Variants in TADA3 observed in about 807,000 individuals in gnomAD.
TADA3 encodes the protein transcriptional adaptor 3.
TADA3 carries 25 observed loss-of-function variants against 43.2 expected under a neutral mutation model. The observed-to-expected ratio is 0.58, with a 90% CI of 0.42 to 0.81. TADA3 has a LOEUF of 0.81. Ranked by LOEUF, TADA3 falls within the 30% of genes least tolerant of loss-of-function variation. TADA3 has a pLI of 0.00. For synonymous variants in TADA3, 235 were observed against 225.5 expected, an observed-to-expected ratio of 1.04 and a Z score of -0.38; for missense variants, 441 against 567.8, an observed-to-expected ratio of 0.78 and a Z score of 2.27.
upstream of TADA3, chr3:9,792,989 A>ACC: frequency 6.8e-7 from 1 of 1,466,668 alleles, no homozygotes; most frequent in African/African-American, 1.4e-5. Flanking sequence ...AGGGCTCTCT[A>ACC]CCCCGCTCGG....
At chr3:9,792,617 CCCCGGGGCACAG>C, upstream of TADA3, 10 of 1,230,354 alleles carry the variant, frequency 8.1e-6, no homozygotes, top group Non-Finnish European at 8.1e-6. Context: ...CTCAGGCGAG[CCCCGGGGCACAG>C]CCCGGGGCGG....
chr3:9,782,569 G>C (rs1431637330), intron 8 of TADA3, among the ~76,000 whole-genome samples: 1 of 152,190 alleles, frequency 6.6e-6, no homozygotes, highest in African/African-American at 2.4e-5. Context: ...CTAGTAATCT[G>C]CAAGTCCCTT....
At chr3:9,792,764 C>A (rs78796930), upstream of TADA3, 1,833 of 1,245,694 alleles carry the variant, frequency 1.5e-3, 29 homozygotes, top group African/African-American at 0.025. Flanking sequence ...AGGGCTCGTC[C>A]GCTTCGGCTT....
rs1330867755 is a variant in TADA3, at chr3:9,789,935, C to T, written c.236G>A (p.Gly79Asp). 2 of 1,604,878 alleles carry T rather than the reference C, an allele frequency of 1.2e-6. No homozygotes were observed. Among genetic ancestry groups the T allele is most frequent in the Non-Finnish European group, 8.5e-7 (1 of 1,176,024 alleles). The change falls in exon 3 of 9, where the codon GGT becomes GAT. Residue 79 changes from glycine (G) to aspartate (D), a missense_variant. Coordinates refer to ENST00000301964, the MANE Select transcript of TADA3 (RefSeq NM_006354.5). Reference sequence around the variant, plus strand: ...ACCCAGCTTCAGGAATCGTCTGTCACCTTTCTTATCCTGCCAGTCGGTGAG... The same window carrying T: ...ACCCAGCTTCAGGAATCGTCTGTCATCTTTCTTATCCTGCCAGTCGGTGAG... ...QILTDWQDKK[G>D]DRRFLKLGRD...
Position 9,780,313 on chromosome 3 carries a change from C to A in TADA3, c.*44G>T. 6.4e-7 allele frequency: 1 copy of A among 1,559,574 alleles called. No individual in the cohort carries two copies. Among genetic ancestry groups the A allele is most frequent in the South Asian group, 1.2e-5 (1 of 86,286 alleles). On this transcript the variant is annotated 3_prime_UTR_variant, in exon 9 of 9. Coordinates refer to ENST00000301964, the MANE Select transcript of TADA3 (RefSeq NM_006354.5). ...CCAAAGAAGGAAGTGGGCCTCCCTT[C>A]CCCTCCCCTAGGCCAGATAATCAGC...
At chr3:9,786,466 G>A (rs991667637) in intron 6 of TADA3, among the ~76,000 whole-genome samples, 1 of 152,148 alleles carries the variant, frequency 6.6e-6, no homozygotes, top group Non-Finnish European at 1.5e-5. Context: ...GAAAGAGTGT[G>A]AGGGTGTGTC....
At chr3:9,787,853 T>C (rs570832383) in intron 4 of TADA3, 4 of 542,712 alleles carry the variant, frequency 7.4e-6, no homozygotes, top group Admixed American at 2.6e-5. Context: ...GGAGGTAACA[T>C]GAGATCAGGG....
chr3:9,791,220 C>T (rs751463408), intron 2 of TADA3, 40 bp downstream of exon 2: 3 of 1,577,036 alleles, frequency 1.9e-6, no homozygotes, highest in East Asian at 2.2e-5. Context: ...TAACTTGTTG[C>T]AGTCCATCTC....
chr3:9,791,544 C>A (rs2078733576), intron 1 of TADA3, 51 bp from the exon 2 acceptor site: 1 of 1,176,620 alleles, frequency 8.5e-7, no homozygotes, highest in Non-Finnish European at 1.2e-6. Flanking sequence ...GAGAAAAGCC[C>A]AAGGGCTTCT....
chr3:9,788,345 A>C (rs570727362), intron 4 of TADA3: 1 of 151,980 alleles, frequency 6.6e-6, no homozygotes, highest in Non-Finnish European at 1.5e-5. Flanking sequence ...TCCCGGGTTC[A>C]CGCCATTCTC....
chr3:9,781,665 A>G, intron 8 of TADA3: 1 of 435,424 alleles, frequency 2.3e-6, no homozygotes, highest in East Asian at 7.3e-5. Context: ...TCGATGGTGG[A>G]GCTGGAAGGT....
intron 6 of TADA3, 21 bp from the exon 7 acceptor site, chr3:9,785,446 G>A (rs778210120): frequency 1.9e-6 from 3 of 1,559,336 alleles, no homozygotes; most frequent in South Asian, 2.2e-5. Flanking sequence ...ACAAAAATGA[G>A]TGGAAGGAAA....
At chr3:9,791,092 T>C (rs1176138422) in intron 2 of TADA3, among the ~76,000 whole-genome samples, 168 bp downstream of exon 2, 1 of 152,220 alleles carries the variant, frequency 6.6e-6, no homozygotes, top group Non-Finnish European at 1.5e-5. Context: ...AAGAGGATCA[T>C]GCATATTCTT....
chr3:9,789,416 GGAA>G, intron 4 of TADA3, 90 bp downstream of exon 4: 1 of 1,185,076 alleles, frequency 8.4e-7, no homozygotes, highest in Non-Finnish European at 1.2e-6. Flanking sequence ...GGTTGGGGAA[GGAA>G]GATGATGCAT....
rs1335215877 is a variant in TADA3, at chr3:9,785,383, T to C, written c.853A>G (p.Met285Val). The C allele has an allele frequency of 2.5e-6, 4 of 1,613,918 alleles. No homozygotes were observed. The highest frequency in any genetic ancestry group is 1.3e-5 in the African/African-American group (1 of 74,890). ...SPMEDSPIPD[M>V]SGKESGADGA... ...TCAGCCCCTGATTCTTTCCCAGACATGTCAGGAATAGGAGAATCCTCCATA... is the reference window on the plus strand; with the variant it reads ...TCAGCCCCTGATTCTTTCCCAGACACGTCAGGAATAGGAGAATCCTCCATA... Residue 285 changes from methionine to valine, a missense_variant, in exon 7 of 9, where the codon ATG becomes GTG. Met to Val is a conservative substitution (Grantham distance 21, BLOSUM62 1). Coordinates refer to ENST00000301964, the MANE Select transcript of TADA3 (RefSeq NM_006354.5).
At chr3:9,789,691 T>C (rs975231444) in intron 3 of TADA3, 22 bp downstream of exon 3, 3 of 1,609,786 alleles carry the variant, frequency 1.9e-6, no homozygotes, top group East Asian at 2.2e-5. Flanking sequence ...GAGGCCCCCT[T>C]CTATGTTCTC....
rs1375319617 is a variant in TADA3, at chr3:9,792,162, T to G, written c.-28+54A>C. Reference sequence around the variant, plus strand: ...AATGGGGACAAAAGAAGTCTCGGTCTGTTTCCCCATTAAAAGTCTGAATCT... The same window carrying G: ...AATGGGGACAAAAGAAGTCTCGGTCGGTTTCCCCATTAAAAGTCTGAATCT... On this transcript the variant is annotated intron_variant, in intron 1 of 8. Coordinates refer to ENST00000301964, the MANE Select transcript of TADA3 (RefSeq NM_006354.5). 2.0e-5 allele frequency: 3 copies of G among 152,462 alleles called. No individual in the cohort carries two copies. In the East Asian group the frequency reaches 5.8e-4, roughly 29 times the overall value. 9.4% of individuals were successfully genotyped at this position (152,462 alleles called of 1,614,324 possible).
At chr3:9,792,068 C>A (rs1355430663) in intron 1 of TADA3, 148 bp downstream of exon 1, 1 of 152,448 alleles carries the variant, frequency 6.6e-6, no homozygotes, top group Non-Finnish European at 1.5e-5. Context: ...CCAGGCTTTA[C>A]CATTCTCTAC....
At position 9,789,540 on chromosome 3, in the gene TADA3, T is replaced by C; in HGVS notation, c.533A>G (p.Lys178Arg). 1 of 1,614,154 alleles carries C rather than the reference T, an allele frequency of 6.2e-7. No homozygotes were observed. Among genetic ancestry groups the C allele is most frequent in the Non-Finnish European group, 8.5e-7 (1 of 1,180,022 alleles). The change falls in exon 4 of 9, where the codon AAG becomes AGG. Residue 178 changes from lysine to arginine, a missense_variant. By Grantham distance (26) the Lys-to-Arg change is conservative. Coordinates refer to ENST00000301964, the MANE Select transcript of TADA3 (RefSeq NM_006354.5). ...EEVRTLEELL[K>R]PPEDEAEHYK... ...ATGCTCAGCCTCATCTTCTGGGGGC[T>C]TCAGTAACTCCTCAAGTGTGCGGAC...
Sources: allele counts gnomAD v4.1 joint callset (sites outside exome capture counted in the v4.1 genomes callset), GRCh38; gene constraint gnomAD v4.1.1; transcripts MANE v1.5; gene names NCBI Gene and HGNC (gene_info 2026-07-23, HGNC 2026-07-21).